The following NEURL1 variants were observed in gnomAD, a reference collection of about 807,000 sequenced individuals.
NEURL1 encodes the protein E3 ubiquitin-protein ligase NEURL1.
NEURL1 carries 26 observed loss-of-function variants against 41.2 expected under a neutral mutation model. The ratio of observed to expected loss-of-function variants is 0.63; its 90% CI spans 0.46 to 0.87. NEURL1 has a LOEUF of 0.87. Among genes scored for constraint, NEURL1 ranks in the 40% least tolerant of loss-of-function variants. NEURL1 has a pLI of 0.00. For synonymous variants in NEURL1, 400 were observed against 402.3 expected, an observed-to-expected ratio of 0.99 and a Z score of 0.07; for missense variants, 761 against 871.1, an observed-to-expected ratio of 0.87 and a Z score of 1.59.
At chr10:103,530,195 A>G (rs1011909331) in intron 1 of NEURL1, among the ~76,000 whole-genome samples, 2 of 150,414 alleles carry the variant, frequency 1.3e-5, no homozygotes, top group Non-Finnish European at 3.0e-5. Context: ...AATTTATTTT[A>G]TTTCTACTCT....
chr10:103,576,375 A>T (rs2035664299), intron 3 of NEURL1, among the ~76,000 whole-genome samples: 1 of 151,964 alleles, frequency 6.6e-6, no homozygotes, highest in Non-Finnish European at 1.5e-5. Flanking sequence ...CAGATCCAGG[A>T]GGGGAAGGAA....
intron 1 of NEURL1, among the ~76,000 whole-genome samples, chr10:103,550,132 C>T (rs928067043): frequency 6.6e-6 from 1 of 152,122 alleles, no homozygotes; most frequent in Admixed American, 6.5e-5. Context: ...TCTGAGAGGG[C>T]AGGTTTAGGC....
chr10:103,563,863 A>C (rs1404195485), intron 1 of NEURL1, among the ~76,000 whole-genome samples: 2 of 152,128 alleles, frequency 1.3e-5, no homozygotes, highest in African/African-American at 4.8e-5. Flanking sequence ...TGGGCTCCTC[A>C]CTCAATGTGT....
chr10:103,504,518 G>A (rs2033902784), intron 1 of NEURL1, among the ~76,000 whole-genome samples: 1 of 152,188 alleles, frequency 6.6e-6, no homozygotes, highest in African/African-American at 2.4e-5. Flanking sequence ...AACGGCACAT[G>A]CTGTCAACAT....
At chr10:103,584,114 T>C (rs1287199892) in intron 3 of NEURL1, among the ~76,000 whole-genome samples, 1 of 152,164 alleles carries the variant, frequency 6.6e-6, no homozygotes, top group Non-Finnish European at 1.5e-5. Flanking sequence ...TGTTAGGCCT[T>C]CGTCAGTGCA....
chr10:103,574,810 G>A (rs1424148478), intron 3 of NEURL1, among the ~76,000 whole-genome samples: 10 of 152,168 alleles, frequency 6.6e-5, no homozygotes, highest in Admixed American at 6.5e-4. Flanking sequence ...TGCACGCAGT[G>A]TTTTCAGTTG....
intron 2 of NEURL1, 108 bp downstream of exon 2, chr10:103,571,221 A>G (rs1212172282): frequency 3.5e-6 from 4 of 1,130,976 alleles, no homozygotes; most frequent in Non-Finnish European, 5.1e-6. Flanking sequence ...TGCCACCCCC[A>G]GCACCACACC....
intron 1 of NEURL1, among the ~76,000 whole-genome samples, chr10:103,498,304 T>C (rs953567597): frequency 6.6e-6 from 1 of 152,230 alleles, no homozygotes. Flanking sequence ...CTCGGCTCAC[T>C]GCAAGCTCCG....
intron 1 of NEURL1, among the ~76,000 whole-genome samples, chr10:103,559,725 C>G (rs550306746): frequency 6.6e-6 from 1 of 152,006 alleles, no homozygotes; most frequent in South Asian, 2.1e-4. Flanking sequence ...AGCCAGTGGA[C>G]GCTAAGGGCA....
intron 4 of NEURL1, among the ~76,000 whole-genome samples, chr10:103,588,148 CA>C (rs1033675385): frequency 6.6e-6 from 1 of 151,282 alleles, no homozygotes; most frequent in Non-Finnish European, 1.5e-5. Context: ...ACTAAAAATA[CA>C]AAAAAAATTA....
chr10:103,545,211 T>G lies in NEURL1; in HGVS notation c.86-25661T>G, dbSNP rs1489451988. 1.3e-5 allele frequency among the ~76,000 whole-genome samples: 2 copies of G among 152,180 alleles called. No homozygotes were observed. Among genetic ancestry groups the G allele is most frequent in the Non-Finnish European group, 2.9e-5 (2 of 68,026 alleles). On this transcript the variant is annotated intron_variant, in intron 1 of 5. Coordinates refer to ENST00000369780, the MANE Select transcript of NEURL1 (RefSeq NM_004210.5). The surrounding 1 kb of genome is among the most constrained non-coding windows in gnomAD (Gnocchi z 4.5). ...TGCAGTCACCCTGTGGTGGCTCCCC[T>G]CCTTGGGCTGTCCTTTGTGCAGGAA...
intron 3 of NEURL1, chr10:103,577,634 C>T (rs1245963960): frequency 6.6e-6 from 1 of 152,226 alleles, no homozygotes; most frequent in African/African-American, 2.4e-5. Context: ...GGGACAGTGG[C>T]CCTCCTGTGC....
At chr10:103,499,077 A>C (rs1393926007) in intron 1 of NEURL1, among the ~76,000 whole-genome samples, 1 of 152,096 alleles carries the variant, frequency 6.6e-6, no homozygotes, top group Non-Finnish European at 1.5e-5. Flanking sequence ...CATCTTTCAA[A>C]AGGTGGTGCT....
intron 1 of NEURL1, among the ~76,000 whole-genome samples, chr10:103,529,188 T>C (rs2034521381): frequency 6.6e-6 from 1 of 152,254 alleles, no homozygotes; most frequent in Non-Finnish European, 1.5e-5. Context: ...TTATTATAAT[T>C]GTCTTGATTG....
intron 1 of NEURL1, among the ~76,000 whole-genome samples, chr10:103,569,712 C>G (rs980434056): frequency 4.6e-5 from 7 of 152,240 alleles, no homozygotes; most frequent in African/African-American, 1.7e-4. Flanking sequence ...AAAGCTCTTG[C>G]GCTGCCCAGC....
intron 1 of NEURL1, among the ~76,000 whole-genome samples, chr10:103,516,225 C>T (rs1248103946): frequency 5.6e-5 from 4 of 70,838 alleles, no homozygotes; most frequent in Non-Finnish European, 1.2e-4. Context: ...GAGACCCCAT[C>T]TCAAAAAAAA....
At chr10:103,495,660 C>A (rs543756620) in intron 1 of NEURL1, among the ~76,000 whole-genome samples, 1 of 152,234 alleles carries the variant, frequency 6.6e-6, no homozygotes, top group East Asian at 1.9e-4. Flanking sequence ...ACTTTTAAGA[C>A]CAGGGAAGAG....
At chr10:103,531,653 C>G (rs947521930) in intron 1 of NEURL1, among the ~76,000 whole-genome samples, 12 of 151,078 alleles carry the variant, frequency 7.9e-5, no homozygotes, top group Admixed American at 3.3e-4. Context: ...CCTGCCTCAG[C>G]CTCCTAAGTG....
intron 1 of NEURL1, among the ~76,000 whole-genome samples, chr10:103,513,119 C>T (rs778389933): frequency 2.0e-5 from 3 of 152,148 alleles, no homozygotes; most frequent in Non-Finnish European, 2.9e-5. Flanking sequence ...GGCTTTGCTG[C>T]CTGCTGAAGT....
Sources: allele counts gnomAD v4.1 joint callset (sites outside exome capture counted in the v4.1 genomes callset), GRCh38; gene constraint gnomAD v4.1.1; non-coding constraint Gnocchi (gnomAD v3.1); transcripts MANE v1.5; gene names NCBI Gene and HGNC (gene_info 2026-07-23, HGNC 2026-07-21).